SYNPR: variants seen among roughly 807,000 people sequenced by gnomAD.
SYNPR encodes the protein synaptoporin.
In SYNPR, 23 loss-of-function variants were observed where a neutral mutation model predicts 32.9. The ratio of observed to expected loss-of-function variants is 0.70; its 90% CI spans 0.50 to 0.99. The LOEUF (loss-of-function observed/expected upper bound fraction) is 0.99. SYNPR is among the 50% of genes least tolerant of loss of function. SYNPR has a pLI of 0.00. For missense variants in SYNPR, 318 were observed against 349.3 expected (o/e 0.91, Z 0.71); for synonymous variants, 146 against 135.9 (o/e 1.07, Z -0.52).
At chr3:63,263,864 G>C (rs77211165) in intron 2 of SYNPR, among the ~76,000 whole-genome samples, 2,208 of 152,292 alleles carry the variant, frequency 0.014, 20 homozygotes, top group Non-Finnish European at 0.022. Context: ...ACAGAGCCCA[G>C]ATTAAATAGG....
intron 3 of SYNPR, among the ~76,000 whole-genome samples, chr3:63,516,156 T>C (rs535518883): frequency 6.6e-6 from 1 of 152,298 alleles, no homozygotes; most frequent in East Asian, 1.9e-4. Flanking sequence ...CCATTAGCAC[T>C]GGCTATTTAG....
At chr3:63,219,642 A>T in the SYNPR span, among the ~76,000 whole-genome samples, 3 of 152,130 alleles carry the variant, frequency 2.0e-5, no homozygotes, top group Non-Finnish European at 4.4e-5. Context: ...TGGTATATGG[A>T]TTATATATAC....
intron 4 of SYNPR, among the ~76,000 whole-genome samples, chr3:63,575,416 C>T (rs772953738): frequency 2.0e-5 from 3 of 152,104 alleles, no homozygotes; most frequent in Non-Finnish European, 4.4e-5. Context: ...ACACTCTCAG[C>T]TCCTATTCCC....
At chr3:63,508,584 C>T (rs1386720462) in intron 3 of SYNPR, among the ~76,000 whole-genome samples, 1 of 152,088 alleles carries the variant, frequency 6.6e-6, no homozygotes, top group Admixed American at 6.6e-5. Flanking sequence ...CTCCCTAACT[C>T]AACCATCAGA....
chr3:63,443,509 G>A (rs1222379228), intron 2 of SYNPR: 2 of 1,594,848 alleles, frequency 1.3e-6, no homozygotes, highest in Non-Finnish European at 1.7e-6. Flanking sequence ...TGGCTGTGGG[G>A]ATATGTGTGT....
intron 3 of SYNPR, among the ~76,000 whole-genome samples, chr3:63,269,724 T>C (rs1009222286): frequency 2.6e-5 from 4 of 152,222 alleles, no homozygotes; most frequent in Non-Finnish European, 5.9e-5. Flanking sequence ...CTCCATATTG[T>C]ATTTCATCCT....
At chr3:63,367,351 T>TTATTTATGTATTTATG (rs985171852) in intron 2 of SYNPR, among the ~76,000 whole-genome samples, 2 of 151,476 alleles carry the variant, frequency 1.3e-5, no homozygotes, top group African/African-American at 4.9e-5. Context: ...AATTATTTAT[T>TTATTTATGTATTTATG]TATTTATTTA....
chr3:63,327,716 TC>T (rs1371559461), intron 2 of SYNPR, among the ~76,000 whole-genome samples: 1 of 152,158 alleles, frequency 6.6e-6, no homozygotes, highest in Non-Finnish European at 1.5e-5. Context: ...CAATTTGTGT[TC>T]AAAAATATTT....
intron 3 of SYNPR, among the ~76,000 whole-genome samples, chr3:63,504,892 T>C (rs1701557021): frequency 6.6e-6 from 1 of 152,010 alleles, no homozygotes; most frequent in African/African-American, 2.4e-5. Context: ...GTGACTCACG[T>C]GGACAGAGGG....
chr3:63,249,789 G>A (rs2086316623), intron 1 of SYNPR, among the ~76,000 whole-genome samples: 1 of 152,108 alleles, frequency 6.6e-6, no homozygotes, highest in South Asian at 2.1e-4. Context: ...GTAACATTCT[G>A]TAATGTCAGC....
At chr3:63,443,466 T>A in intron 2 of SYNPR, 1 of 1,606,986 alleles carries the variant, frequency 6.2e-7, no homozygotes, top group South Asian at 1.1e-5. Flanking sequence ...TGATATTTGC[T>A]CCGGTAAGTT....
chr3:63,299,016 T>G (rs1421590663), intron 2 of SYNPR, among the ~76,000 whole-genome samples: 1 of 152,194 alleles, frequency 6.6e-6, no homozygotes, highest in East Asian at 1.9e-4. Context: ...CTGACACACA[T>G]AGACAACAGA....
At chr3:63,244,176 G>C (rs772693944) in intron 1 of SYNPR, among the ~76,000 whole-genome samples, 30 of 152,038 alleles carry the variant, frequency 2.0e-4, no homozygotes, top group Non-Finnish European at 3.2e-4. Flanking sequence ...TTGCATGGTG[G>C]GAACTGAGGC....
intron 2 of SYNPR, among the ~76,000 whole-genome samples, chr3:63,305,749 A>T (rs1405138239): frequency 6.6e-6 from 1 of 151,970 alleles, no homozygotes; most frequent in Non-Finnish European, 1.5e-5. Context: ...CGCCCCTGTC[A>T]AATCGAGTTG....
chr3:63,575,017 G>A (rs1266551735), intron 4 of SYNPR, among the ~76,000 whole-genome samples: 2 of 151,914 alleles, frequency 1.3e-5, no homozygotes, highest in Non-Finnish European at 2.9e-5. Context: ...ACATACACAT[G>A]ACTGTGTATG....
Position 63,368,037 on chromosome 3 carries a change from T to C in SYNPR, c.84+89295T>C, listed in dbSNP as rs536606849. ...TCTCAGTGTGATAAAAACTGATGTA[T>C]TGAGAAACGAGACATTGATTTTGGC... On this transcript the variant is annotated intron_variant, in intron 2 of 5. Transcript: ENST00000478300. Among the ~76,000 whole-genome samples, 7 of 152,294 alleles carry C rather than the reference T, an allele frequency of 4.6e-5. No individual in the cohort carries two copies. The South Asian group carries it at 1.2e-3, about 27-fold the overall frequency.
Position 63,569,002 on chromosome 3 carries a change from G to A in SYNPR, c.408+12261G>A, listed in dbSNP as rs537768274. ...TAGTGTAATGGTTAGGTGTTAAGCA[G>A]ATGGTAGATGCTTAGTAACAGTTTA... is the stretch of plus-strand genomic sequence containing the variant. On this transcript the variant is annotated intron_variant, in intron 4 of 5. Transcript: ENST00000478300. Among the ~76,000 whole-genome samples the A allele has an allele frequency of 7.2e-5, 11 of 152,320 alleles. No homozygotes were observed. The East Asian group carries it at 1.7e-3, about 24-fold the overall frequency.
intron 4 of SYNPR, among the ~76,000 whole-genome samples, chr3:63,569,813 T>G (rs142136918): frequency 2.6e-5 from 4 of 151,968 alleles, no homozygotes; most frequent in Non-Finnish European, 5.9e-5. Flanking sequence ...CCCATGTGAT[T>G]TTTTTTTAGC....
intron 2 of SYNPR, among the ~76,000 whole-genome samples, chr3:63,396,658 A>G (rs745426464): frequency 6.6e-6 from 1 of 152,188 alleles, no homozygotes; most frequent in Admixed American, 6.5e-5. Context: ...GGGACCATCA[A>G]TACTTAAAAT....
Sources: gnomAD v4.1 joint callset for allele counts (sites outside exome capture counted in the v4.1 genomes callset) on GRCh38, gnomAD v4.1.1 for gene constraint, MANE v1.5 for transcripts, NCBI Gene and HGNC (gene_info 2026-07-23, HGNC 2026-07-21) for gene names.